The following HACE1 variants were observed in gnomAD, a reference collection of about 807,000 sequenced individuals.
HACE1 encodes the protein HECT domain and ankyrin repeat containing E3 ubiquitin protein ligase 1.
In HACE1, 73 loss-of-function variants were observed where a neutral mutation model predicts 118.4. The ratio of observed to expected loss-of-function variants is 0.62; its 90% CI spans 0.51 to 0.75. The LOEUF is 0.75. Among genes scored for constraint, HACE1 ranks in the 30% least tolerant of loss-of-function variants. HACE1 has a pLI of 0.00. For missense variants in HACE1, 749 were observed against 1,102.2 expected, an observed-to-expected ratio of 0.68 and a Z score of 4.54; for synonymous variants, 368 against 374.8, an observed-to-expected ratio of 0.98 and a Z score of 0.21.
intron 11 of HACE1, chr6:104,786,950 T>C (rs182968513): frequency 9.8e-5 from 15 of 152,356 alleles, no homozygotes; most frequent in Admixed American, 8.5e-4. Flanking sequence ...TAGAAAATGT[T>C]TGAACTATTC....
intron 5 of HACE1, among the ~76,000 whole-genome samples, chr6:104,837,369 G>T (rs972846170): frequency 6.6e-6 from 1 of 152,096 alleles, no homozygotes; most frequent in African/African-American, 2.4e-5. Context: ...TGAAACAGAT[G>T]CAAAAGCAAA....
Position 104,750,362 on chromosome 6 carries a change from C to G in HACE1, c.2322G>C (p.Gln774His). 1 of 1,612,640 alleles carries G rather than the reference C, an allele frequency of 6.2e-7. No individual in the cohort carries two copies. The highest frequency in any genetic ancestry group is 8.5e-7 in the Non-Finnish European group (1 of 1,178,978). The stretch of plus-strand genomic sequence containing the variant: ...TTACCAATTCATATTCATCAAAAAG[C>G]TGTATGAGGGAGGGTGGAATGAACA... ...FHMFIPPSLIQLFDEYELELL... is the reference protein window; with the variant it reads ...FHMFIPPSLIHLFDEYELELL... The change falls in exon 20 of 24, where the codon CAG (glutamine) becomes CAC (histidine). Residue 774 changes from glutamine (Q) to histidine (H), a missense_variant. Gln to His is a conservative substitution (Grantham distance 24). Transcript: ENST00000262903.
chr6:104,831,980 G>GAGGAAGGAAGGAAGGAAGGA (rs71276551), intron 6 of HACE1, among the ~76,000 whole-genome samples: 15 of 62,922 alleles, frequency 2.4e-4, no homozygotes, highest in African/African-American at 8.1e-4. Flanking sequence ...GAAGAGAAGA[G>GAGGAAGGAAGGAAGGAAGGA]AGGAAGGAAG....
At chr6:104,850,113 CTGA>C (rs1776052974) in intron 3 of HACE1, among the ~76,000 whole-genome samples, 1 of 152,040 alleles carries the variant, frequency 6.6e-6, no homozygotes, top group Non-Finnish European at 1.5e-5. Flanking sequence ...TCACGCCGAG[CTGA>C]TTTTTGTATT....
At chr6:104,834,527 C>T (rs925110462) in intron 5 of HACE1, among the ~76,000 whole-genome samples, 13 of 151,894 alleles carry the variant, frequency 8.6e-5, no homozygotes, top group African/African-American at 3.1e-4. Context: ...TCATGAAATC[C>T]CTGTTTTAAA....
At chr6:104,835,210 A>C (rs1774404501) in intron 5 of HACE1, among the ~76,000 whole-genome samples, 1 of 152,230 alleles carries the variant, frequency 6.6e-6, no homozygotes, top group Non-Finnish European at 1.5e-5. Flanking sequence ...GCCTCTAGTG[A>C]ACAAAGCCTC....
At chr6:104,810,293 G>T (rs1771460105) in intron 7 of HACE1, among the ~76,000 whole-genome samples, 1 of 151,956 alleles carries the variant, frequency 6.6e-6, no homozygotes, top group South Asian at 2.1e-4. Flanking sequence ...CTAATACAGG[G>T]TTGTTAAATA....
At chr6:104,775,016 G>C (rs1319817415) in intron 17 of HACE1, among the ~76,000 whole-genome samples, 1 of 152,094 alleles carries the variant, frequency 6.6e-6, no homozygotes, top group African/African-American at 2.4e-5. Flanking sequence ...TGACACCAAA[G>C]AGGAGACTGA....
chr6:104,851,788 T>C (rs183809475), intron 2 of HACE1, among the ~76,000 whole-genome samples: 70 of 152,290 alleles, frequency 4.6e-4, no homozygotes, highest in Non-Finnish European at 7.3e-4. Context: ...TTCTTCTTCT[T>C]ATATCAAAAA....
chr6:104,784,933 C>T (rs1782175759), intron 12 of HACE1, 52 bp downstream of exon 12: 3 of 1,121,256 alleles, frequency 2.7e-6, no homozygotes, highest in Non-Finnish European at 2.7e-6. Flanking sequence ...AGTATCACTG[C>T]TTTTCATCAT....
At chr6:104,769,505 C>G (rs1008059119) in intron 19 of HACE1, among the ~76,000 whole-genome samples, 3 of 152,066 alleles carry the variant, frequency 2.0e-5, no homozygotes, top group Non-Finnish European at 4.4e-5. Context: ...AATAAACATG[C>G]TACAAGGTGA....
chr6:104,826,221 G>A (rs1773315006), intron 6 of HACE1, among the ~76,000 whole-genome samples: 1 of 152,114 alleles, frequency 6.6e-6, no homozygotes, highest in Non-Finnish European at 1.5e-5. Flanking sequence ...GGGCCCTAGT[G>A]CCAAAAAGGT....
At chr6:104,754,099 T>C (rs1778358114) in intron 19 of HACE1, among the ~76,000 whole-genome samples, 1 of 151,882 alleles carries the variant, frequency 6.6e-6, no homozygotes, top group Non-Finnish European at 1.5e-5. Context: ...ACATGAGAAC[T>C]TCACAATGCA....
intron 19 of HACE1, among the ~76,000 whole-genome samples, chr6:104,757,725 AG>A (rs1184685516): frequency 6.6e-6 from 1 of 152,160 alleles, no homozygotes; most frequent in Non-Finnish European, 1.5e-5. Context: ...AGGCTTCAGA[AG>A]GTTGGTAATA....
At chr6:104,836,065 G>A (rs1369148596) in intron 5 of HACE1, among the ~76,000 whole-genome samples, 1 of 152,194 alleles carries the variant, frequency 6.6e-6, no homozygotes, top group South Asian at 2.1e-4. Context: ...TCAGGGTTGT[G>A]CTCCATCAGA....
intron 7 of HACE1, among the ~76,000 whole-genome samples, chr6:104,802,392 A>G (rs543511182): frequency 5.9e-5 from 9 of 152,244 alleles, no homozygotes; most frequent in African/African-American, 2.2e-4. Context: ...AGAACTCTCC[A>G]CCCCAAATCA....
At chr6:104,738,465 G>C (rs1378297773) in intron 22 of HACE1, among the ~76,000 whole-genome samples, 8 of 149,162 alleles carry the variant, frequency 5.4e-5, no homozygotes, top group Non-Finnish European at 4.5e-5. Flanking sequence ...ATACAGAGAA[G>C]TGCTTAAAGG....
intron 6 of HACE1, among the ~76,000 whole-genome samples, chr6:104,812,362 T>C (rs1391622070): frequency 3.3e-5 from 5 of 151,958 alleles, no homozygotes; most frequent in Non-Finnish European, 7.4e-5. Context: ...GGGAGGATCA[T>C]TTGAGCCCAG....
At chr6:104,859,503 G>C in intron 1 of HACE1, 64 bp downstream of exon 1, 2 of 1,192,840 alleles carry the variant, frequency 1.7e-6, no homozygotes, top group Non-Finnish European at 2.3e-6. Flanking sequence ...TGACGCGGCC[G>C]GAGCTCCTGC....
Sources: allele counts gnomAD v4.1 joint callset (sites outside exome capture counted in the v4.1 genomes callset), GRCh38; gene constraint gnomAD v4.1.1; transcripts MANE v1.5; gene names NCBI Gene and HGNC (gene_info 2026-07-23, HGNC 2026-07-21).